TMCO5A: variants seen among roughly 807,000 people sequenced by gnomAD.
The protein encoded by TMCO5A is transmembrane and coiled-coil domain-containing protein 5A.
TMCO5A carries 34 observed loss-of-function variants against 42.3 expected under a neutral mutation model. The observed-to-expected ratio is 0.80, with a 90% CI of 0.61 to 1.07. The LOEUF is 1.07. Ranked by LOEUF, TMCO5A falls within the 50% of genes least tolerant of loss-of-function variation. The pLI, the probability that TMCO5A is intolerant of heterozygous loss-of-function variation, is 0.00. For missense variants in TMCO5A, 357 were observed against 327.9 expected (o/e 1.09, Z -0.69); for synonymous variants, 131 against 115.6 (o/e 1.13, Z -0.86).
the TMCO5A span, among the ~76,000 whole-genome samples, chr15:37,987,087 T>C: frequency 6.6e-6 from 1 of 152,084 alleles, no homozygotes; most frequent in Non-Finnish European, 1.5e-5. Context: ...GTATTTTTGA[T>C]AGTAGTCATC....
the TMCO5A span, among the ~76,000 whole-genome samples, chr15:37,985,090 G>T: frequency 6.6e-6 from 1 of 151,846 alleles, no homozygotes; most frequent in East Asian, 1.9e-4. Context: ...CATAGAATGG[G>T]GGATGGAGCA....
At chr15:38,036,549 A>G in the TMCO5A span, among the ~76,000 whole-genome samples, 1 of 151,754 alleles carries the variant, frequency 6.6e-6, no homozygotes, top group Non-Finnish European at 1.5e-5. Flanking sequence ...CACTTCAGTC[A>G]CACCCAACTT....
At chr15:38,003,238 CT>C in the TMCO5A span, among the ~76,000 whole-genome samples, 1 of 152,076 alleles carries the variant, frequency 6.6e-6, no homozygotes, top group Non-Finnish European at 1.5e-5. Context: ...CTCTCTCTCT[CT>C]CTCTCTCTGT....
At chr15:37,960,279 T>C (rs1344138439) in intron 11 of TMCO5A, among the ~76,000 whole-genome samples, 1 of 152,074 alleles carries the variant, frequency 6.6e-6, no homozygotes, top group Non-Finnish European at 1.5e-5. Flanking sequence ...TAATAACATA[T>C]GATGTTTGGT....
the TMCO5A span, among the ~76,000 whole-genome samples, chr15:37,980,495 GT>G: frequency 6.6e-6 from 1 of 152,126 alleles, no homozygotes; most frequent in South Asian, 2.1e-4. Flanking sequence ...TTCTCCATGA[GT>G]TGTGTTGCTT....
chr15:37,964,214 C>A (rs1890501783), intron 11 of TMCO5A, among the ~76,000 whole-genome samples: 1 of 152,132 alleles, frequency 6.6e-6, no homozygotes, highest in Admixed American at 6.6e-5. Context: ...ATACTCTCTC[C>A]CTTTTCCTAA....
chr15:37,942,245 G>A lies in TMCO5A; in HGVS notation c.559G>A (p.Glu187Lys). ...AGAAGAACTAGAGGCTCTGTTCCTTGAGAGAGAAGTGTGAGCTTTGGCAAA... is the reference window on the plus strand; with the variant it reads ...AGAAGAACTAGAGGCTCTGTTCCTTAAGAGAGAAGTGTGAGCTTTGGCAAA... ...IEEELEALFLEREVSKLVSMN... is the reference protein window; with the variant it reads ...IEEELEALFLKREVSKLVSMN... The change falls in exon 9 of 12, where the codon GAG (glutamate) becomes AAG (lysine). Residue 187 changes from glutamate to lysine, a missense_variant. Transcript: ENST00000319669. The A allele has an allele frequency of 3.1e-6, 5 of 1,612,786 alleles. No individual in the cohort carries two copies. The highest frequency in any genetic ancestry group is 3.4e-6 in the Non-Finnish European group (4 of 1,179,146).
At chr15:37,964,059 G>T (rs1890496753) in intron 11 of TMCO5A, among the ~76,000 whole-genome samples, 1 of 152,048 alleles carries the variant, frequency 6.6e-6, no homozygotes, top group South Asian at 2.1e-4. Context: ...TGATTTTGGG[G>T]GGTGTTAAAG....
chr15:37,965,463 G>GA (rs1445119734), intron 11 of TMCO5A, among the ~76,000 whole-genome samples: 20 of 152,184 alleles, frequency 1.3e-4, no homozygotes, highest in Admixed American at 1.3e-4. Context: ...TCAACAAAGT[G>GA]AAGAGACACT....
chr15:38,030,702 A>G, the TMCO5A span, among the ~76,000 whole-genome samples: 21 of 152,130 alleles, frequency 1.4e-4, no homozygotes, highest in African/African-American at 4.3e-4. Context: ...CCTACCTGCA[A>G]TCTGCACTCC....
intron 11 of TMCO5A, among the ~76,000 whole-genome samples, chr15:37,956,890 C>G (rs1890305755): frequency 6.6e-6 from 1 of 152,236 alleles, no homozygotes; most frequent in African/African-American, 2.4e-5. Flanking sequence ...AGCTTGTCCA[C>G]TACGATCAAG....
the TMCO5A span, among the ~76,000 whole-genome samples, chr15:38,014,083 T>C: frequency 1.8e-4 from 28 of 152,318 alleles, no homozygotes; most frequent in African/African-American, 6.0e-4. Context: ...TGCAATTACA[T>C]TGGGTCCATG....
At chr15:37,940,647 A>G (rs1889699162) in intron 6 of TMCO5A, among the ~76,000 whole-genome samples, 1 of 152,058 alleles carries the variant, frequency 6.6e-6, no homozygotes, top group Admixed American at 6.6e-5. Flanking sequence ...AAGCTGGTCC[A>G]TCCTGTCTAC....
rs752383162 is a variant in TMCO5A at position 37,936,338 on chromosome 15, A to G, written c.15A>G (p.Arg5=). 3 of 1,612,374 alleles carry G rather than the reference A, an allele frequency of 1.9e-6. No individual in the cohort carries two copies. In the South Asian group the frequency reaches 3.3e-5, roughly 18 times the overall value. Reference sequence around the variant, plus strand: ...GGTCGGAGAAAATGGAAATCTCAAGATTGGCTCAGTCAAAAAGAAACATTA... The same window carrying G: ...GGTCGGAGAAAATGGAAATCTCAAGGTTGGCTCAGTCAAAAAGAAACATTA... MEIS[R]LAQSKRNIIS... Residue 5 remains arginine (R), a synonymous_variant, in exon 3 of 12, where the codon AGA becomes AGG. Transcript: ENST00000319669.
intron 11 of TMCO5A, among the ~76,000 whole-genome samples, chr15:37,950,745 G>C (rs1890127772): frequency 6.6e-6 from 1 of 152,062 alleles, no homozygotes; most frequent in African/African-American, 2.4e-5. Flanking sequence ...AAACTGTTTT[G>C]AAAAACAACT....
At chr15:37,986,380 G>GGTGTGTGTGTGTGT in the TMCO5A span, among the ~76,000 whole-genome samples, 414 of 139,280 alleles carry the variant, frequency 3.0e-3, 2 homozygotes, top group African/African-American at 8.8e-3. Flanking sequence ...GGTAAGGGAT[G>GGTGTGTGTGTGTGT]GTGTGTGTGT....
chr15:37,959,325 A>C (rs1890366491), intron 11 of TMCO5A, among the ~76,000 whole-genome samples: 1 of 151,990 alleles, frequency 6.6e-6, no homozygotes, highest in African/African-American at 2.4e-5. Context: ...AAAACACAGG[A>C]GAGGAGGGAA....
At position 37,942,226 on chromosome 15, in the gene TMCO5A, A is replaced by G; in HGVS notation, c.540A>G (p.Glu180=). 2 of 1,612,970 alleles carry G rather than the reference A, an allele frequency of 1.2e-6. No individual in the cohort carries two copies. The highest frequency in any genetic ancestry group is 1.1e-5 in the South Asian group (1 of 91,014). The change falls in exon 9 of 12, where the codon GAA becomes GAG. Residue 180 remains glutamate (E), a synonymous_variant. Coordinates refer to ENST00000319669, the MANE Select transcript of TMCO5A (RefSeq NM_152453.4). ...YQETLKKIEE[E]LEALFLEREV... ...AAACGTTGAAGAAAATAGAAGAAGA[A>G]CTAGAGGCTCTGTTCCTTGAGAGAG...
At chr15:37,960,099 A>G (rs142991407) in intron 11 of TMCO5A, among the ~76,000 whole-genome samples, 2,133 of 151,974 alleles carry the variant, frequency 0.014, 58 homozygotes, top group African/African-American at 0.049. Flanking sequence ...ATTCTGGTGC[A>G]CCCATCACCC....
Sources: allele counts gnomAD v4.1 joint callset (sites outside exome capture counted in the v4.1 genomes callset), GRCh38; gene constraint gnomAD v4.1.1; transcripts MANE v1.5; gene names NCBI Gene and HGNC (gene_info 2026-07-23, HGNC 2026-07-21).